The following SYNE1 variants were observed in gnomAD, a reference collection of about 807,000 sequenced individuals.
The protein encoded by SYNE1 is nesprin-1.
In SYNE1, 616 loss-of-function variants were observed where a neutral mutation model predicts 1,111.0. The ratio of observed to expected loss-of-function variants is 0.55; its 90% CI spans 0.52 to 0.59. SYNE1 has a LOEUF of 0.59. Ranked by LOEUF, SYNE1 falls within the 20% of genes least tolerant of loss-of-function variation. The probability of loss-of-function intolerance (pLI) is 0.00; values close to 1 mark genes in which losing one functional copy is unlikely to be tolerated. For synonymous variants in SYNE1, 3,855 were observed against 3,825.8 expected (o/e 1.01, Z -0.28); for missense variants, 10,006 against 10,417.0 (o/e 0.96, Z 1.72).
chr6:152,164,333 C>A lies in SYNE1; in HGVS notation c.23628-8G>T. ...TCCTTCAGCTTCTTCACCCTGTGGG[C>A]AGAGAAGGGGGAATGTCCCACTTCA... On this transcript the variant is annotated splice_polypyrimidine_tract_variant and splice_region_variant and intron_variant, in intron 130 of 145. Transcript: ENST00000367255. 1.2e-6 allele frequency: 2 copies of A among 1,614,010 alleles called. No individual in the cohort carries two copies. The highest frequency in any genetic ancestry group is 1.7e-6 in the Non-Finnish European group (2 of 1,180,018).
intron 3 of SYNE1, among the ~76,000 whole-genome samples, chr6:152,611,487 A>C (rs1056838915): frequency 6.6e-6 from 1 of 152,190 alleles, no homozygotes; most frequent in African/African-American, 2.4e-5. Flanking sequence ...GAGCACCCAG[A>C]TTCATAAAGC....
At position 152,141,846 on chromosome 6, in the gene SYNE1, G is replaced by A. The variant is rs146806171; in HGVS notation, c.25120-517C>T. Among the ~76,000 whole-genome samples, 1,200 of 152,242 alleles carry A rather than the reference G, an allele frequency of 7.9e-3. 6 individuals carry two copies. The highest frequency in any genetic ancestry group is 0.041 in the Middle Eastern group (12 of 294). On this transcript the variant is annotated intron_variant, in intron 138 of 145. Coordinates refer to ENST00000367255, the MANE Select transcript of SYNE1 (RefSeq NM_182961.4). The stretch of plus-strand genomic sequence containing the variant: ...AGCACTTTGGGGGCCGAGGTGGGAG[G>A]ATCAGTTGAGCCTAGGAGTTTGAGA...
intron 127 of SYNE1, among the ~76,000 whole-genome samples, chr6:152,198,497 C>T (rs2074656847): frequency 1.3e-5 from 2 of 152,182 alleles, no homozygotes; most frequent in African/African-American, 4.8e-5. Context: ...CACAACCTGG[C>T]TGTTTGTGGC....
intron 61 of SYNE1, 122 bp downstream of exon 61, chr6:152,368,850 G>T: frequency 2.4e-6 from 3 of 1,230,220 alleles, no homozygotes; most frequent in Non-Finnish European, 3.6e-6. Flanking sequence ...GCCCCTTACT[G>T]CTGACCTGGA....
intron 128 of SYNE1, 75 bp from the exon 129 acceptor site, chr6:152,180,369 T>C (rs974905086): frequency 1.1e-5 from 15 of 1,404,392 alleles, no homozygotes; most frequent in African/African-American, 1.4e-5. Context: ...AAATAGCAAA[T>C]AAACTAGGAC....
chr6:152,572,044 C>T (rs1448697435), intron 3 of SYNE1, among the ~76,000 whole-genome samples: 1 of 152,098 alleles, frequency 6.6e-6, no homozygotes, highest in South Asian at 2.1e-4. Context: ...GCTTTATCAC[C>T]GCAATCTTGG....
chr6:152,222,218 G>A (rs975927957), intron 117 of SYNE1, among the ~76,000 whole-genome samples: 1 of 152,342 alleles, frequency 6.6e-6, no homozygotes, highest in East Asian at 1.9e-4. Context: ...TGCTCTTGCA[G>A]CAGCCAGAAG....
At chr6:152,425,590 G>T in intron 38 of SYNE1, 43 bp from the exon 39 acceptor site, 3 of 1,611,222 alleles carry the variant, frequency 1.9e-6, no homozygotes, top group Non-Finnish European at 2.5e-6. Context: ...TAACAGGACT[G>T]AAAAGTAAGG....
intron 3 of SYNE1, among the ~76,000 whole-genome samples, chr6:152,585,750 C>T (rs565598057): frequency 1.3e-5 from 2 of 152,060 alleles, no homozygotes; most frequent in African/African-American, 4.8e-5. Flanking sequence ...AGAAAAACAC[C>T]GCCATGATTT....
intron 3 of SYNE1, among the ~76,000 whole-genome samples, chr6:152,610,746 T>A (rs2800649): frequency 0.73 from 110,395 of 152,016 alleles, 40,266 homozygotes; most frequent in East Asian, 0.81. Context: ...GCCAGAGAGA[T>A]AGGTCGGGTT....
intron 8 of SYNE1, 68 bp downstream of exon 8, chr6:152,510,125 A>C (rs2099077568): frequency 2.1e-6 from 3 of 1,450,414 alleles, no homozygotes; most frequent in African/African-American, 2.8e-5. Context: ...AATCATTAGA[A>C]GTTGCAATTA....
chr6:152,613,063 A>G (rs1044363105), intron 3 of SYNE1, among the ~76,000 whole-genome samples: 27 of 152,180 alleles, frequency 1.8e-4, no homozygotes, highest in African/African-American at 5.8e-4. Flanking sequence ...CAAAAACTGG[A>G]AGCATTCCCT....
chr6:152,549,486 C>T (rs1261804250), intron 3 of SYNE1, among the ~76,000 whole-genome samples: 1 of 152,144 alleles, frequency 6.6e-6, no homozygotes, highest in Non-Finnish European at 1.5e-5. Flanking sequence ...CTCCTCCTCC[C>T]TCACTCTGTT....
chr6:152,165,921 T>C (rs2063556830), intron 130 of SYNE1, among the ~76,000 whole-genome samples: 1 of 152,208 alleles, frequency 6.6e-6, no homozygotes, highest in Admixed American at 6.5e-5. Flanking sequence ...CTGGCCATAG[T>C]GCCCCAGACT....
intron 104 of SYNE1, among the ~76,000 whole-genome samples, chr6:152,250,414 A>T (rs1421920811): frequency 6.6e-6 from 1 of 152,234 alleles, no homozygotes. Context: ...ACATGCAAAC[A>T]TTCTGACTGT....
intron 32 of SYNE1, 83 bp from the exon 33 acceptor site, chr6:152,436,184 G>T: frequency 1.4e-6 from 2 of 1,402,984 alleles, no homozygotes; most frequent in Non-Finnish European, 2.0e-6. Context: ...ATTGCATACA[G>T]AACAGATGGG....
At chr6:152,227,857 A>G (rs1430702271) in intron 115 of SYNE1, among the ~76,000 whole-genome samples, 1 of 152,186 alleles carries the variant, frequency 6.6e-6, no homozygotes, top group Non-Finnish European at 1.5e-5. Context: ...TATTTTATAA[A>G]AAATAAAGGT....
intron 87 of SYNE1, among the ~76,000 whole-genome samples, chr6:152,311,806 C>T (rs867475865): frequency 2.0e-5 from 3 of 149,768 alleles, no homozygotes; most frequent in Non-Finnish European, 3.0e-5. Context: ...GACGGAGTCT[C>T]GCTCTTTCGC....
At chr6:152,351,737 C>G (rs1458410657) in intron 70 of SYNE1, among the ~76,000 whole-genome samples, 1 of 152,154 alleles carries the variant, frequency 6.6e-6, no homozygotes, top group Admixed American at 6.5e-5. Flanking sequence ...ATCCAAATAC[C>G]TGGCTCACGC....
Sources: allele counts gnomAD v4.1 joint callset (sites outside exome capture counted in the v4.1 genomes callset), GRCh38; gene constraint gnomAD v4.1.1; transcripts MANE v1.5; gene names NCBI Gene and HGNC (gene_info 2026-07-23, HGNC 2026-07-21).